Variants in CEMIP observed in about 807,000 individuals in gnomAD.
CEMIP encodes cell migration-inducing and hyaluronan-binding protein.
A neutral mutation model predicts 156.9 loss-of-function variants in CEMIP; 105 were observed. The observed-to-expected ratio is 0.67, with a 90% confidence interval of 0.57 to 0.79. CEMIP has a LOEUF of 0.79. Ranked by LOEUF, CEMIP falls within the 30% of genes least tolerant of loss-of-function variation. CEMIP has a pLI of 0.00. For missense variants in CEMIP, 1,457 were observed against 1,769.4 expected (o/e 0.82, Z 3.17); for synonymous variants, 676 against 668.4 (o/e 1.01, Z -0.17).
chr15:80,916,531 G>A (rs916525316), intron 14 of CEMIP, among the ~76,000 whole-genome samples: 5 of 152,218 alleles, frequency 3.3e-5, no homozygotes, highest in Admixed American at 2.6e-4. Context: ...ATGGCCACCC[G>A]TGAATCTATA....
intron 28 of CEMIP, among the ~76,000 whole-genome samples, chr15:80,945,520 G>A (rs896670830): frequency 2.0e-5 from 3 of 152,146 alleles, no homozygotes; most frequent in Non-Finnish European, 4.4e-5. Context: ...CTCCTTAAGG[G>A]GCCTCACCCT....
chr15:80,796,532 G>C (rs573885492), intron 1 of CEMIP, among the ~76,000 whole-genome samples: 53 of 152,222 alleles, frequency 3.5e-4, no homozygotes, highest in African/African-American at 1.3e-3. Flanking sequence ...CAAGACTGTT[G>C]GTGCATGTTC....
At chr15:80,943,527 G>A (rs901416704) in intron 28 of CEMIP, among the ~76,000 whole-genome samples, 1 of 152,212 alleles carries the variant, frequency 6.6e-6, no homozygotes, top group Non-Finnish European at 1.5e-5. Context: ...GTATGGAACT[G>A]AATTCTCAGC....
chr15:80,780,754 G>T (rs1205803444), intron 1 of CEMIP, among the ~76,000 whole-genome samples: 1 of 152,222 alleles, frequency 6.6e-6, no homozygotes, highest in Non-Finnish European at 1.5e-5. Context: ...GGGAGCCGGC[G>T]GCTCTGCGTG....
chr15:80,784,314 A>G (rs1895871515), intron 1 of CEMIP, among the ~76,000 whole-genome samples: 1 of 152,136 alleles, frequency 6.6e-6, no homozygotes, highest in Admixed American at 6.5e-5. Context: ...TTGTTCTGGC[A>G]TGGAAGGTGT....
At chr15:80,894,880 C>G in intron 10 of CEMIP, 110 bp from the exon 11 acceptor site, 1 of 1,332,352 alleles carries the variant, frequency 7.5e-7, no homozygotes, top group Non-Finnish European at 1.1e-6. Flanking sequence ...AATAGTGTTG[C>G]AGCAGGGACA....
intron 1 of CEMIP, among the ~76,000 whole-genome samples, chr15:80,786,338 G>A (rs1250972821): frequency 6.6e-6 from 1 of 152,124 alleles, no homozygotes; most frequent in African/African-American, 2.4e-5. Context: ...CTAGGCTCAG[G>A]TGATCCTCAA....
chr15:80,782,733 C>T (rs1895829889), intron 1 of CEMIP, among the ~76,000 whole-genome samples: 1 of 152,130 alleles, frequency 6.6e-6, no homozygotes, highest in Non-Finnish European at 1.5e-5. Context: ...TTAGCTTCTT[C>T]CGTCTAAAAG....
At chr15:80,847,877 A>G (rs1484474309) in intron 1 of CEMIP, among the ~76,000 whole-genome samples, 2 of 152,212 alleles carry the variant, frequency 1.3e-5, no homozygotes, top group African/African-American at 2.4e-5. Flanking sequence ...GCAGAAGGTG[A>G]AACAGTGAGC....
intron 10 of CEMIP, among the ~76,000 whole-genome samples, chr15:80,893,569 C>T (rs1459245970): frequency 2.6e-5 from 4 of 152,138 alleles, no homozygotes; most frequent in African/African-American, 7.2e-5. Context: ...TCAGGAGGCC[C>T]GAGGAGCTGG....
At chr15:80,894,506 C>T (rs1000304148) in intron 10 of CEMIP, among the ~76,000 whole-genome samples, 1 of 152,174 alleles carries the variant, frequency 6.6e-6, no homozygotes, top group Non-Finnish European at 1.5e-5. Context: ...TCCAGATGTC[C>T]ATGCTGCACC....
At chr15:80,832,810 T>A (rs1400867536) in intron 1 of CEMIP, among the ~76,000 whole-genome samples, 1 of 152,256 alleles carries the variant, frequency 6.6e-6, no homozygotes, top group Non-Finnish European at 1.5e-5. Flanking sequence ...TTCTCAAATC[T>A]GTGATGTGGA....
intron 12 of CEMIP, chr15:80,900,751 C>T (rs963771720): frequency 1.8e-5 from 6 of 341,940 alleles, no homozygotes; most frequent in African/African-American, 1.1e-4. Flanking sequence ...CAAGCCCATT[C>T]TCTGGCTCTC....
In CEMIP at chr15:80,951,419, TTC is replaced by T. The variant is rs777323407; in HGVS notation, c.*2497_*2498del. The stretch of plus-strand genomic sequence containing the variant: ...CTTAGAAAATTGTCCTCCTTGTTAT[TTC>T]TGTTTGTAAGACTTAAGTGAGTTAG... On this transcript the variant is annotated 3_prime_UTR_variant, in exon 30 of 30. Transcript: ENST00000394685. 2.6e-5 allele frequency: 4 copies of T among 152,578 alleles called. No individual in the cohort carries two copies. Among genetic ancestry groups the T allele is most frequent in the South Asian group, 2.1e-4 (1 of 4,830 alleles). 9.5% of individuals were successfully genotyped at this position (152,578 alleles called of 1,614,324 possible).
At chr15:80,846,379 T>G (rs1897557560) in intron 1 of CEMIP, among the ~76,000 whole-genome samples, 1 of 152,166 alleles carries the variant, frequency 6.6e-6, no homozygotes, top group African/African-American at 2.4e-5. Flanking sequence ...AGGCTTTTCC[T>G]CCCCCAGGAA....
At chr15:80,899,653 G>A (rs1899385545) in intron 12 of CEMIP, among the ~76,000 whole-genome samples, 1 of 151,642 alleles carries the variant, frequency 6.6e-6, no homozygotes, top group Non-Finnish European at 1.5e-5. Flanking sequence ...GGGCTCGAGA[G>A]AGAGGGAGGG....
chr15:80,850,884 T>C (rs771806242), intron 1 of CEMIP, among the ~76,000 whole-genome samples: 4 of 152,122 alleles, frequency 2.6e-5, no homozygotes, highest in Non-Finnish European at 5.9e-5. Flanking sequence ...GAAAACATCT[T>C]TGGGGGAGGC....
At chr15:80,892,621 G>A (rs928272312) in intron 10 of CEMIP, among the ~76,000 whole-genome samples, 2 of 152,170 alleles carry the variant, frequency 1.3e-5, no homozygotes, top group South Asian at 4.1e-4. Flanking sequence ...CCACTTGTGA[G>A]CTTTGGCATA....
chr15:80,946,782 TCAC>T, intron 28 of CEMIP, 180 bp from the exon 29 acceptor site: 2 of 633,152 alleles, frequency 3.2e-6, no homozygotes, highest in Non-Finnish European at 5.8e-6. Context: ...AGGATGTTCG[TCAC>T]CACATGGAAA....
Sources: allele counts gnomAD v4.1 joint callset (sites outside exome capture counted in the v4.1 genomes callset), GRCh38; gene constraint gnomAD v4.1.1; transcripts MANE v1.5; gene names NCBI Gene and HGNC (gene_info 2026-07-23, HGNC 2026-07-21).